The following STPG2 variants were observed in gnomAD, a reference collection of about 807,000 sequenced individuals.
The protein encoded by STPG2 is sperm tail PG-rich repeat containing 2.
STPG2 carries 56 observed loss-of-function variants against 54.2 expected under a neutral mutation model. The ratio of observed to expected loss-of-function variants is 1.03; its 90% CI spans 0.83 to 1.29. The LOEUF is 1.29. Among genes scored for constraint, STPG2 ranks in the 50% most tolerant of loss-of-function variants. The probability of loss-of-function intolerance (pLI) is 0.00; values close to 1 mark genes in which losing one functional copy is unlikely to be tolerated. For synonymous variants in STPG2, 200 were observed against 181.8 expected, an observed-to-expected ratio of 1.10 and a Z score of -0.81; for missense variants, 596 against 544.9, an observed-to-expected ratio of 1.09 and a Z score of -0.93.
At chr4:98,026,242 C>T (rs1736416343) in intron 5 of STPG2, 1 of 972,656 alleles carries the variant, frequency 1.0e-6, no homozygotes. Flanking sequence ...CCCTCAAGAG[C>T]TCAGGAGTGG....
chr4:97,968,036 A>G (rs894299201), intron 7 of STPG2, among the ~76,000 whole-genome samples: 5 of 152,192 alleles, frequency 3.3e-5, no homozygotes, highest in African/African-American at 1.2e-4. Flanking sequence ...AGAGAGAGAA[A>G]CAAAAAAACC....
chr4:98,064,503 T>G (rs887751677), intron 5 of STPG2, among the ~76,000 whole-genome samples: 1 of 152,230 alleles, frequency 6.6e-6, no homozygotes, highest in Non-Finnish European at 1.5e-5. Flanking sequence ...AAACTATATT[T>G]AAGATGTAAA....
At chr4:97,450,577 G>A (rs1729340071) in intron 4 of STPG2, among the ~76,000 whole-genome samples, 2 of 152,174 alleles carry the variant, frequency 1.3e-5, no homozygotes, top group Non-Finnish European at 2.9e-5. Context: ...CAACGGTGGG[G>A]AATAGGGTCA....
intron 4 of STPG2, among the ~76,000 whole-genome samples, chr4:97,509,154 A>AT (rs1415214960): frequency 6.6e-6 from 1 of 151,724 alleles, no homozygotes; most frequent in Non-Finnish European, 1.5e-5. Flanking sequence ...CAGGGTTTCG[A>AT]TTTTGAACCT....
chr4:98,009,179 GT>G (rs1490167703), intron 5 of STPG2, among the ~76,000 whole-genome samples: 2 of 151,468 alleles, frequency 1.3e-5, no homozygotes, highest in African/African-American at 2.4e-5. Flanking sequence ...CTTTGGGCTT[GT>G]TTATTTCAGA....
intron 5 of STPG2, among the ~76,000 whole-genome samples, chr4:98,072,151 AT>A (rs1475213574): frequency 6.6e-6 from 1 of 152,226 alleles, no homozygotes; most frequent in Non-Finnish European, 1.5e-5. Flanking sequence ...AAGATATGGA[AT>A]CAATCCAAAT....
intron 10 of STPG2, among the ~76,000 whole-genome samples, chr4:97,711,642 T>C (rs1037087802): frequency 1.3e-5 from 2 of 151,942 alleles, no homozygotes; most frequent in African/African-American, 4.8e-5. Flanking sequence ...AGTATTTAGA[T>C]TGTGACATTT....
At chr4:97,949,810 T>G (rs1157019061) in intron 7 of STPG2, among the ~76,000 whole-genome samples, 2 of 152,310 alleles carry the variant, frequency 1.3e-5, no homozygotes, top group African/African-American at 4.8e-5. Context: ...TCATGGCTCT[T>G]AGAATTATTT....
At chr4:98,029,971 G>A (rs1043773966) in intron 5 of STPG2, among the ~76,000 whole-genome samples, 2 of 152,062 alleles carry the variant, frequency 1.3e-5, no homozygotes, top group African/African-American at 4.8e-5. Flanking sequence ...GGTAGATGGT[G>A]GAAGGAATGG....
Position 98,045,457 on chromosome 4 carries a change from A to G in STPG2, c.612+60496T>C, listed in dbSNP as rs879005989. 2.6e-5 allele frequency among the ~76,000 whole-genome samples: 4 copies of G among 152,158 alleles called. No homozygotes were observed. In the South Asian group the frequency reaches 8.3e-4, roughly 32 times the overall value. ...AAATAAACTTCATGTACTTAAAGTTATACAGAAAATAGAATAAACTTAACA... is the reference window on the plus strand; with the variant it reads ...AAATAAACTTCATGTACTTAAAGTTGTACAGAAAATAGAATAAACTTAACA... On this transcript the variant is annotated intron_variant, in intron 5 of 10. Coordinates refer to ENST00000295268, the MANE Select transcript of STPG2 (RefSeq NM_174952.3).
At chr4:97,856,018 C>T (rs1729322962) in intron 8 of STPG2, among the ~76,000 whole-genome samples, 1 of 151,842 alleles carries the variant, frequency 6.6e-6, no homozygotes, top group African/African-American at 2.4e-5. Context: ...CTGTTCTATT[C>T]ATCTGTGTGT....
intron 4 of STPG2, among the ~76,000 whole-genome samples, chr4:97,545,100 A>C (rs1731806335): frequency 6.6e-6 from 1 of 152,116 alleles, no homozygotes; most frequent in Non-Finnish European, 1.5e-5. Flanking sequence ...AAAACACCCA[A>C]GTGATGCTGA....
At chr4:97,450,412 T>C (rs1729335796) in intron 4 of STPG2, among the ~76,000 whole-genome samples, 1 of 151,960 alleles carries the variant, frequency 6.6e-6, no homozygotes, top group African/African-American at 2.4e-5. Flanking sequence ...GAGATAATCA[T>C]AAAATACATA....
At chr4:97,736,009 T>A (rs1277481184) in intron 9 of STPG2, among the ~76,000 whole-genome samples, 2 of 152,108 alleles carry the variant, frequency 1.3e-5, no homozygotes, top group African/African-American at 4.8e-5. Context: ...TTCACACTTG[T>A]TAGGATGGCA....
At chr4:97,568,878 T>C (rs1186943948) in intron 10 of STPG2, among the ~76,000 whole-genome samples, 1 of 150,500 alleles carries the variant, frequency 6.6e-6, no homozygotes, top group African/African-American at 2.4e-5. Flanking sequence ...TCTTTTCTTT[T>C]CTTTCTTTTG....
At chr4:97,623,310 G>C (rs1734059990) in intron 10 of STPG2, among the ~76,000 whole-genome samples, 1 of 151,624 alleles carries the variant, frequency 6.6e-6, no homozygotes, top group Admixed American at 6.6e-5. Context: ...AATAATCTAT[G>C]GACAACATGA....
At chr4:97,487,834 T>C (rs1466487791) in intron 4 of STPG2, among the ~76,000 whole-genome samples, 2 of 151,476 alleles carry the variant, frequency 1.3e-5, no homozygotes, top group African/African-American at 2.4e-5. Flanking sequence ...AAGCTATAAA[T>C]GAGTAAAATG....
chr4:98,135,164 C>A (rs1406419045), intron 1 of STPG2, among the ~76,000 whole-genome samples: 3 of 151,740 alleles, frequency 2.0e-5, no homozygotes, highest in Non-Finnish European at 4.4e-5. Flanking sequence ...TATATTCAAA[C>A]AGGTAATAAA....
intron 9 of STPG2, among the ~76,000 whole-genome samples, chr4:97,739,074 C>A (rs1484963840): frequency 1.3e-5 from 2 of 151,970 alleles, no homozygotes; most frequent in Non-Finnish European, 2.9e-5. Context: ...CAAAACCGCT[C>A]AACTACATGG....
Sources: allele counts gnomAD v4.1 joint callset (sites outside exome capture counted in the v4.1 genomes callset), GRCh38; gene constraint gnomAD v4.1.1; transcripts MANE v1.5; gene names NCBI Gene and HGNC (gene_info 2026-07-23, HGNC 2026-07-21).